The following AKAIN1 variants were observed in gnomAD, a reference collection of about 807,000 sequenced individuals.
The protein encoded by AKAIN1 is A-kinase anchor protein inhibitor 1.
Under a neutral mutation model 3.7 loss-of-function variants are expected in AKAIN1, and 3 were observed. The ratio of observed to expected loss-of-function variants is 0.82; its 90% CI spans 0.37 to 2.12. The LOEUF (loss-of-function observed/expected upper bound fraction) is 2.12, where lower values mean the gene tolerates loss of function less well. Among genes scored for constraint, AKAIN1 ranks in the 30% most tolerant of loss-of-function variants. AKAIN1 has a pLI of 0.06. For missense variants in AKAIN1, 82 were observed against 82.7 expected, an observed-to-expected ratio of 0.99 and a Z score of 0.03; for synonymous variants, 31 against 30.8, an observed-to-expected ratio of 1.01 and a Z score of -0.02.
intron 1 of AKAIN1, among the ~76,000 whole-genome samples, chr18:5,154,220 A>G (rs1375967724): frequency 6.6e-6 from 1 of 152,234 alleles, no homozygotes; most frequent in Non-Finnish European, 1.5e-5. Context: ...CTACATTAAA[A>G]TAATTGGTTT....
intron 1 of AKAIN1, among the ~76,000 whole-genome samples, chr18:5,168,149 G>A (rs1381574901): frequency 6.6e-6 from 1 of 152,078 alleles, no homozygotes; most frequent in Admixed American, 6.6e-5. Context: ...GTAACAATGT[G>A]TGCTTTATTT....
Position 5,197,057 on chromosome 18 carries a change from T to A in AKAIN1, c.-4A>T. The A allele has an allele frequency of 6.4e-7, 1 of 1,551,632 alleles. No homozygotes were observed. The highest frequency in any genetic ancestry group is 8.7e-7 in the Non-Finnish European group (1 of 1,146,972). On this transcript the variant is annotated 5_prime_UTR_variant, in exon 1 of 2. Coordinates refer to ENST00000434239, the MANE Select transcript of AKAIN1 (RefSeq NM_001145194.2). This position sits in a 1 kb window ranked among gnomAD's most constrained non-coding sequence, Gnocchi z 6.9. ...GTGTACCTGGAGCGAACACCATGAT[T>A]TCTTCCAGCCGCTACGCCCCCAGAT...
chr18:5,190,240 G>A (rs755728828), intron 1 of AKAIN1, among the ~76,000 whole-genome samples: 6 of 152,152 alleles, frequency 3.9e-5, no homozygotes, highest in Admixed American at 6.5e-5. Context: ...CCTCTTAAAG[G>A]TCTACTTCTT....
At chr18:5,176,389 G>A (rs1257023021) in intron 1 of AKAIN1, among the ~76,000 whole-genome samples, 3 of 152,030 alleles carry the variant, frequency 2.0e-5, no homozygotes, top group African/African-American at 7.2e-5. Flanking sequence ...GCAGTAAGCC[G>A]AGATCGTGCC....
intron 1 of AKAIN1, among the ~76,000 whole-genome samples, chr18:5,173,778 G>A (rs547868598): frequency 2.0e-5 from 3 of 152,114 alleles, no homozygotes; most frequent in Admixed American, 6.6e-5. Context: ...CACTGATAGC[G>A]CCTGTAGCAT....
chr18:5,164,895 T>C (rs2071159184), intron 1 of AKAIN1, among the ~76,000 whole-genome samples: 2 of 151,982 alleles, frequency 1.3e-5, no homozygotes, highest in Admixed American at 1.3e-4. Flanking sequence ...CCTTTTAAAA[T>C]CAATATTAAA....
chr18:5,163,439 G>A (rs1049116011), intron 1 of AKAIN1, among the ~76,000 whole-genome samples: 12 of 151,976 alleles, frequency 7.9e-5, no homozygotes, highest in African/African-American at 2.7e-4. Flanking sequence ...ACCCAGGTTC[G>A]TGTGCAATAT....
At chr18:5,192,644 T>C (rs1313010052) in intron 1 of AKAIN1, among the ~76,000 whole-genome samples, 1 of 152,034 alleles carries the variant, frequency 6.6e-6, no homozygotes, top group Non-Finnish European at 1.5e-5. Flanking sequence ...AATAAATTTC[T>C]ATGATTTGTA....
chr18:5,181,747 T>C (rs1423753988), intron 1 of AKAIN1, among the ~76,000 whole-genome samples: 5 of 152,134 alleles, frequency 3.3e-5, no homozygotes, highest in Non-Finnish European at 7.4e-5. Flanking sequence ...GCATGGTTGT[T>C]TCACCAACAA....
rs2071043594 is a variant in AKAIN1 at position 5,145,555 on chromosome 18, C to T, written c.*7G>A. 6.5e-7 allele frequency: 1 copy of T among 1,549,896 alleles called. No individual in the cohort carries two copies. The highest frequency in any genetic ancestry group is 1.2e-5 in the South Asian group (1 of 83,932). Reference sequence around the variant, plus strand: ...CCAAGCACATGTCAAGAGCCAAATCCACCATGTTACTTCTTTTCGTGCTTC... The same window carrying T: ...CCAAGCACATGTCAAGAGCCAAATCTACCATGTTACTTCTTTTCGTGCTTC... On this transcript the variant is annotated 3_prime_UTR_variant, in exon 2 of 2. Coordinates refer to ENST00000434239, the MANE Select transcript of AKAIN1 (RefSeq NM_001145194.2).
intron 1 of AKAIN1, among the ~76,000 whole-genome samples, chr18:5,146,300 G>A (rs1369009201): frequency 6.6e-6 from 1 of 152,104 alleles, no homozygotes; most frequent in African/African-American, 2.4e-5. Flanking sequence ...CTTCCAGTAA[G>A]CATGAAGATG....
chr18:5,184,279 A>C (rs2071275011), intron 1 of AKAIN1, among the ~76,000 whole-genome samples: 1 of 152,054 alleles, frequency 6.6e-6, no homozygotes, highest in African/African-American at 2.4e-5. Context: ...GATCCACAAT[A>C]TCATTCAAAC....
At chr18:5,165,357 G>C (rs1463954028) in intron 1 of AKAIN1, among the ~76,000 whole-genome samples, 2 of 151,922 alleles carry the variant, frequency 1.3e-5, no homozygotes, top group Non-Finnish European at 2.9e-5. Context: ...AAACTCCAAA[G>C]GGGGTAGGAG....
intron 1 of AKAIN1, among the ~76,000 whole-genome samples, chr18:5,148,348 A>G (rs2071060929): frequency 6.6e-6 from 1 of 152,200 alleles, no homozygotes; most frequent in Admixed American, 6.5e-5. Context: ...CATTTACCTG[A>G]GTGAAGCTGG....
At chr18:5,172,380 A>G (rs1435907348) in intron 1 of AKAIN1, among the ~76,000 whole-genome samples, 2 of 152,164 alleles carry the variant, frequency 1.3e-5, no homozygotes, top group African/African-American at 4.8e-5. Flanking sequence ...ATTATTACCC[A>G]TTGTGTGCTG....
At chr18:5,169,719 G>A (rs1367611622) in intron 1 of AKAIN1, among the ~76,000 whole-genome samples, 1 of 152,090 alleles carries the variant, frequency 6.6e-6, no homozygotes, top group Non-Finnish European at 1.5e-5. Flanking sequence ...AGTTTACATG[G>A]ATTTTAGAAA....
At chr18:5,192,838 G>A (rs1277370769) in intron 1 of AKAIN1, among the ~76,000 whole-genome samples, 1 of 152,014 alleles carries the variant, frequency 6.6e-6, no homozygotes, top group Admixed American at 6.6e-5. Context: ...TAGCACAAGA[G>A]AAAAACTAAG....
chr18:5,150,273 A>T (rs186695622), intron 1 of AKAIN1, among the ~76,000 whole-genome samples: 40 of 152,344 alleles, frequency 2.6e-4, no homozygotes, highest in Middle Eastern at 3.4e-3. Flanking sequence ...CATGTGAGGA[A>T]GTACACTACA....
At chr18:5,187,379 T>C (rs1388495202) in intron 1 of AKAIN1, among the ~76,000 whole-genome samples, 1 of 152,174 alleles carries the variant, frequency 6.6e-6, no homozygotes, top group Non-Finnish European at 1.5e-5. Flanking sequence ...TATAACATAA[T>C]ACCTACAGAC....
Sources: allele counts gnomAD v4.1 joint callset (sites outside exome capture counted in the v4.1 genomes callset), GRCh38; gene constraint gnomAD v4.1.1; non-coding constraint Gnocchi (gnomAD v3.1); transcripts MANE v1.5; gene names NCBI Gene and HGNC (gene_info 2026-07-23, HGNC 2026-07-21).